Variants in SLC26A8 observed in about 807,000 individuals in gnomAD.
The protein encoded by SLC26A8 is solute carrier family 26 member 8.
In SLC26A8, 70 loss-of-function variants were observed where a neutral mutation model predicts 105.0. The observed-to-expected ratio is 0.67, with a 90% CI of 0.55 to 0.81. SLC26A8 has a LOEUF of 0.81. SLC26A8 is among the 40% of genes least tolerant of loss of function. SLC26A8 has a pLI of 0.00. For synonymous variants in SLC26A8, 415 were observed against 438.3 expected (o/e 0.95, Z 0.66); for missense variants, 998 against 1,181.8 (o/e 0.84, Z 2.28).
intron 8 of SLC26A8, among the ~76,000 whole-genome samples, chr6:35,979,965 GTTTTTTC>G (rs2127328590): frequency 6.6e-6 from 1 of 152,054 alleles, no homozygotes; most frequent in African/African-American, 2.4e-5. Context: ...GGTTGTGTGG[GTTTTTTC>G]TTTTTTCTTT....
At chr6:36,017,716 C>T (rs1762033147) in intron 2 of SLC26A8, among the ~76,000 whole-genome samples, 1 of 152,106 alleles carries the variant, frequency 6.6e-6, no homozygotes, top group African/African-American at 2.4e-5. Context: ...AAAAGACAAC[C>T]TGCAGAATGG....
intron 5 of SLC26A8, among the ~76,000 whole-genome samples, chr6:35,996,125 T>C (rs6457873): frequency 0.71 from 107,773 of 152,028 alleles, 38,650 homozygotes; most frequent in Middle Eastern, 0.77. Context: ...TCCTGCTTTA[T>C]ACATGAGGAA....
chr6:35,989,163 T>C (rs935379053), intron 7 of SLC26A8, among the ~76,000 whole-genome samples: 3 of 152,096 alleles, frequency 2.0e-5, no homozygotes, highest in African/African-American at 7.2e-5. Context: ...TTGAGGAATT[T>C]ATACGCCAGG....
Position 35,961,096 on chromosome 6 carries a change from G to A in SLC26A8, c.1465C>T (p.Leu489Phe), listed in dbSNP as rs1032623115. ...LWRQDQYDCA[L>F]WMMTFSSSIF... ...GAAGATGAGAATGTCATCATCCAAAGAGCCTTATGGAAAAGGGAATGAGGG... is the reference window on the plus strand; with the variant it reads ...GAAGATGAGAATGTCATCATCCAAAAAGCCTTATGGAAAAGGGAATGAGGG... Residue 489 changes from leucine (L) to phenylalanine (F), a missense_variant, in exon 13 of 20, where the codon CTT (leucine) becomes TTT (phenylalanine). By Grantham distance (22) the Leu-to-Phe change is conservative (BLOSUM62 0). Coordinates refer to ENST00000490799, the MANE Select transcript of SLC26A8 (RefSeq NM_052961.4). 6.2e-7 allele frequency: 1 copy of A among 1,611,968 alleles called. No individual in the cohort carries two copies. The highest frequency in any genetic ancestry group is 8.5e-7 in the Non-Finnish European group (1 of 1,178,670).
intron 1 of SLC26A8, among the ~76,000 whole-genome samples, chr6:36,021,943 A>G (rs1762136329): frequency 6.6e-6 from 1 of 151,526 alleles, no homozygotes; most frequent in Non-Finnish European, 1.5e-5. Flanking sequence ...TGCTGGGATT[A>G]CACGCGTGAG....
At chr6:36,001,913 G>A (rs762723951) in intron 3 of SLC26A8, among the ~76,000 whole-genome samples, 2 of 152,160 alleles carry the variant, frequency 1.3e-5, no homozygotes, top group African/African-American at 4.8e-5. Flanking sequence ...GCAATCTCAC[G>A]AGAGACCTCG....
intron 3 of SLC26A8, 87 bp from the exon 4 acceptor site, chr6:36,000,195 T>A: frequency 1.1e-6 from 1 of 878,114 alleles, no homozygotes; most frequent in Non-Finnish European, 1.8e-6. Context: ...AAAATAAAAA[T>A]CATCCATGTG....
intron 4 of SLC26A8, among the ~76,000 whole-genome samples, chr6:35,998,403 A>G (rs1761420328): frequency 6.6e-6 from 1 of 152,068 alleles, no homozygotes; most frequent in South Asian, 2.1e-4. Context: ...CAAAAATACA[A>G]AATTAGCTGG....
At chr6:36,008,952 A>G (rs564873202) in intron 3 of SLC26A8, among the ~76,000 whole-genome samples, 2 of 152,330 alleles carry the variant, frequency 1.3e-5, no homozygotes, top group African/African-American at 4.8e-5. Context: ...ACTCTGGAAA[A>G]CAGGTTGGTG....
chr6:36,007,523 A>G (rs1191762674), intron 3 of SLC26A8, among the ~76,000 whole-genome samples: 1 of 152,246 alleles, frequency 6.6e-6, no homozygotes, highest in Non-Finnish European at 1.5e-5. Flanking sequence ...ATTCTTCCTG[A>G]AATAATCTAT....
Position 36,019,868 on chromosome 6 carries a change from T to C in SLC26A8, c.-2-159A>G, listed in dbSNP as rs851034. Reference sequence around the variant, plus strand: ...TTTCTCAAAGTTGTATAATTTTATGTGTATTCTTTTCATTTTTCAAATGGA... The same window carrying C: ...TTTCTCAAAGTTGTATAATTTTATGCGTATTCTTTTCATTTTTCAAATGGA... On this transcript the variant is annotated intron_variant, in intron 1 of 19. Coordinates refer to ENST00000490799, the MANE Select transcript of SLC26A8 (RefSeq NM_052961.4). 0.65 allele frequency among the ~76,000 whole-genome samples: 98,700 copies of C among 152,200 alleles called. 32,621 individuals are homozygous for C. Among genetic ancestry groups the C allele is most frequent in the Middle Eastern group, 0.74 (217 of 294 alleles).
At chr6:35,998,564 A>AAAAGAAAAG (rs1554167145) in intron 4 of SLC26A8, among the ~76,000 whole-genome samples, 1 of 151,854 alleles carries the variant, frequency 6.6e-6, no homozygotes, top group African/African-American at 2.4e-5. Context: ...TCAAAAAAAA[A>AAAAGAAAAG]AAAAGAAAAG....
intron 1 of SLC26A8, 57 bp downstream of exon 1, chr6:36,024,447 C>G (rs983129546): frequency 2.2e-6 from 1 of 450,056 alleles, no homozygotes; most frequent in Admixed American, 2.4e-5. Context: ...ACGGACGCAG[C>G]CCCCGCCCTG....
chr6:35,977,851 G>A lies in SLC26A8; in HGVS notation c.1026-500C>T, dbSNP rs1416001754. ...TGCAATCCCAGCACTTTGGGAGGCC[G>A]AGGTGGGTGGACCACTTGAGGTCAG... On this transcript the variant is annotated intron_variant, in intron 8 of 19. Transcript: ENST00000490799. 4.6e-5 allele frequency among the ~76,000 whole-genome samples: 7 copies of A among 152,076 alleles called. No individual in the cohort carries two copies. In the East Asian group the frequency reaches 1.3e-3, roughly 29 times the overall value.
At chr6:36,010,536 C>CTTTT (rs1173055463) in intron 3 of SLC26A8, among the ~76,000 whole-genome samples, 44 of 118,256 alleles carry the variant, frequency 3.7e-4, no homozygotes, top group African/African-American at 5.4e-4. Flanking sequence ...TATATGTATT[C>CTTTT]TTTTTTTTTT....
rs71548161 is a variant in SLC26A8 at position 35,968,605 on chromosome 6, GTGTGTATATA to G, written c.1365+262_1365+271del. ...TATGTGTGTATGTGTGTGTGTGTGTGTGTGTATATATATATATATATATATATATATATAT... is the reference window on the plus strand; with the variant it reads ...TATGTGTGTATGTGTGTGTGTGTGTGTATATATATATATATATATATATAT... On this transcript the variant is annotated intron_variant, in intron 11 of 19. Coordinates refer to ENST00000490799, the MANE Select transcript of SLC26A8 (RefSeq NM_052961.4). 8.5e-3 allele frequency among the ~76,000 whole-genome samples: 454 copies of G among 53,680 alleles called. 1 individual carries two copies. Among genetic ancestry groups the G allele is most frequent in the Middle Eastern group, 0.019 (2 of 104 alleles). 35.2% of individuals were successfully genotyped at this position (53,680 alleles called of 152,430 possible).
intron 2 of SLC26A8, among the ~76,000 whole-genome samples, chr6:36,015,575 G>A (rs184781142): frequency 6.6e-6 from 1 of 152,330 alleles, no homozygotes; most frequent in Admixed American, 6.5e-5. Flanking sequence ...AGTAAGGAAG[G>A]TAGAAAGGAG....
intron 19 of SLC26A8, among the ~76,000 whole-genome samples, chr6:35,948,515 G>A (rs1440784807): frequency 6.6e-6 from 1 of 152,134 alleles, no homozygotes; most frequent in Non-Finnish European, 1.5e-5. Flanking sequence ...CGTGAACCTG[G>A]GAGGCGGAGG....
chr6:35,951,638 G>T, intron 17 of SLC26A8, 139 bp from the exon 18 acceptor site: 1 of 839,612 alleles, frequency 1.2e-6, no homozygotes, highest in Non-Finnish European at 1.9e-6. Context: ...GAGTGCAGTG[G>T]CATGATCTCG....
Sources: allele counts gnomAD v4.1 joint callset (sites outside exome capture counted in the v4.1 genomes callset), GRCh38; gene constraint gnomAD v4.1.1; transcripts MANE v1.5; gene names NCBI Gene and HGNC (gene_info 2026-07-23, HGNC 2026-07-21).